N4BP2: variants seen among roughly 807,000 people sequenced by gnomAD.
The protein encoded by N4BP2 is NEDD4 binding protein 2, also known as NEDD4-binding protein 2.
A neutral mutation model predicts 152.8 loss-of-function variants in N4BP2; 91 were observed. That is an observed-to-expected ratio of 0.60 (90% CI 0.50 to 0.71). N4BP2 has a LOEUF of 0.71. N4BP2 is among the 30% of genes least tolerant of loss of function. The probability of loss-of-function intolerance (pLI) is 0.00; values close to 1 mark genes in which losing one functional copy is unlikely to be tolerated. For synonymous variants in N4BP2, 646 were observed against 705.3 expected, an observed-to-expected ratio of 0.92 and a Z score of 1.33; for missense variants, 1,923 against 2,059.1, an observed-to-expected ratio of 0.93 and a Z score of 1.28.
chr4:40,124,419 T>C (rs1421428603), intron 11 of N4BP2, among the ~76,000 whole-genome samples: 1 of 152,184 alleles, frequency 6.6e-6, no homozygotes, highest in East Asian at 1.9e-4. Flanking sequence ...CCATTTTGCC[T>C]TACTGCAACC....
chr4:40,089,901 G>C (rs1015921815), intron 2 of N4BP2, among the ~76,000 whole-genome samples: 6 of 152,078 alleles, frequency 3.9e-5, no homozygotes, highest in African/African-American at 1.4e-4. Context: ...GTGGTCCATT[G>C]CGAGTTAATA....
In N4BP2 at chr4:40,120,295, C is replaced by G. The variant is rs745765232; in HGVS notation, c.2184C>G (p.Cys728Trp). ...SSMERVSPST[C>W]CSENNQEDCD... ...TGGAGAGAGTATCACCTAGTACTTG[C>G]TGTAGTGAAAATAATCAAGAAGACT... is the stretch of plus-strand genomic sequence containing the variant. The change falls in exon 9 of 18, where the codon TGC becomes TGG. Residue 728 changes from cysteine to tryptophan, a missense_variant. Coordinates refer to ENST00000261435, the MANE Select transcript of N4BP2 (RefSeq NM_018177.6). 6.2e-6 allele frequency: 10 copies of G among 1,612,664 alleles called. No homozygotes were observed. Among genetic ancestry groups the G allele is most frequent in the Non-Finnish European group, 8.5e-6 (10 of 1,179,652 alleles).
intron 1 of N4BP2, among the ~76,000 whole-genome samples, chr4:40,063,737 G>A (rs1489058050): frequency 5.9e-5 from 9 of 151,514 alleles, no homozygotes; most frequent in African/African-American, 1.5e-4. Context: ...TCCACCTCCC[G>A]TGTTCAAGCG....
At chr4:40,159,024 G>A (rs921298042), downstream of N4BP2, among the ~76,000 whole-genome samples, 4 of 152,126 alleles carry the variant, frequency 2.6e-5, no homozygotes, top group African/African-American at 4.8e-5. Flanking sequence ...TCTCGTATAT[G>A]TTATATTTTA....
chr4:40,166,345 A>T, the N4BP2 span, among the ~76,000 whole-genome samples: 1 of 152,102 alleles, frequency 6.6e-6, no homozygotes, highest in African/African-American at 2.4e-5. Flanking sequence ...CATTGTCTGA[A>T]CTGTTTTTGT....
At chr4:40,060,401 C>T (rs916708637) in intron 1 of N4BP2, among the ~76,000 whole-genome samples, 6 of 151,994 alleles carry the variant, frequency 3.9e-5, no homozygotes, top group Non-Finnish European at 8.8e-5. Context: ...CACACGATCA[C>T]GCCCGGCTAA....
At chr4:40,134,733 G>A (rs1213860259) in intron 13 of N4BP2, among the ~76,000 whole-genome samples, 1 of 152,052 alleles carries the variant, frequency 6.6e-6, no homozygotes, top group Non-Finnish European at 1.5e-5. Flanking sequence ...GAGGGGAAGT[G>A]GAACTGGTAG....
At chr4:40,068,789 A>G (rs1282709973) in intron 1 of N4BP2, among the ~76,000 whole-genome samples, 1 of 152,088 alleles carries the variant, frequency 6.6e-6, no homozygotes, top group African/African-American at 2.4e-5. Flanking sequence ...AGTTTGTTTT[A>G]ACTATTTGGG....
At chr4:40,182,013 G>A in the N4BP2 span, among the ~76,000 whole-genome samples, 1 of 152,170 alleles carries the variant, frequency 6.6e-6, no homozygotes, top group Non-Finnish European at 1.5e-5. Context: ...GGGATTGCCT[G>A]GAGGTTGCTT....
chr4:40,154,465 C>A lies in N4BP2; in HGVS notation c.*228C>A. 1 of 409,812 alleles carries A rather than the reference C, an allele frequency of 2.4e-6. No individual in the cohort carries two copies. 25.4% of individuals were successfully genotyped at this position (409,812 alleles called of 1,614,324 possible). On this transcript the variant is annotated 3_prime_UTR_variant, in exon 18 of 18. Coordinates refer to ENST00000261435, the MANE Select transcript of N4BP2 (RefSeq NM_018177.6). ...TATTACAGAGAAATTTTATTGATTA[C>A]AAAATATGTAAGAAAATTATCAGCT...
In N4BP2 at chr4:40,156,653, T is replaced by C. The variant is rs1180971703; in HGVS notation, c.*2416T>C. ...TTTTAAAAGTTTTCTCTATTACCCA[T>C]TTCTAAATCCTGTATGTCAAAGATA... On this transcript the variant is annotated 3_prime_UTR_variant, in exon 18 of 18. Transcript: ENST00000261435. The C allele has an allele frequency of 6.6e-6, 1 of 152,140 alleles. No individual in the cohort carries two copies. Among genetic ancestry groups the C allele is most frequent in the Admixed American group, 6.5e-5 (1 of 15,278 alleles). The allele number at this position is 152,140 out of a possible 1,614,324, so 9.4% of individuals were successfully genotyped here.
intron 2 of N4BP2, among the ~76,000 whole-genome samples, chr4:40,092,826 T>G (rs1714740323): frequency 6.6e-6 from 1 of 151,994 alleles, no homozygotes. Flanking sequence ...GTATTTTTAG[T>G]AGAGACGGGG....
chr4:40,144,352 CAT>C (rs1014431604), intron 15 of N4BP2, among the ~76,000 whole-genome samples: 6 of 152,192 alleles, frequency 3.9e-5, no homozygotes, highest in Admixed American at 3.3e-4. Context: ...TTAACTGTCA[CAT>C]GTGAGGATCG....
intron 5 of N4BP2, among the ~76,000 whole-genome samples, chr4:40,108,840 C>T (rs1043569105): frequency 6.8e-6 from 1 of 147,176 alleles, no homozygotes; most frequent in Admixed American, 6.8e-5. Flanking sequence ...TTTTTGGAGA[C>T]AGAGTCCTGC....
Position 40,119,966 on chromosome 4 carries a change from G to T in N4BP2, c.1855G>T (p.Glu619Ter). 1 of 1,497,500 alleles carries T rather than the reference G, an allele frequency of 6.7e-7. No individual in the cohort carries two copies. Among genetic ancestry groups the T allele is most frequent in the Non-Finnish European group, 9.1e-7 (1 of 1,100,906 alleles). 92.8% of individuals were successfully genotyped at this position (1,497,500 alleles called of 1,614,324 possible). ...CGATGAAGATATTATCTCTGAAAAA[G>T]AAGAAAATATTTTATCTTTATCTTT... is the stretch of plus-strand genomic sequence containing the variant. ...RDDEDIISEK[E>*]ENILSLSLKH... Residue 619 changes from glutamate (E) to a stop codon, truncating the protein, a stop_gained, in exon 9 of 18, where the codon GAA becomes TAA. Coordinates refer to ENST00000261435, the MANE Select transcript of N4BP2 (RefSeq NM_018177.6). LOFTEE classifies it high-confidence loss of function.
intron 7 of N4BP2, among the ~76,000 whole-genome samples, chr4:40,114,667 C>T (rs1275635373): frequency 6.6e-6 from 1 of 151,800 alleles, no homozygotes; most frequent in Non-Finnish European, 1.5e-5. Context: ...TTTTTTATTC[C>T]TTGACTTGTC....
At chr4:40,074,227 A>T (rs1432104859) in intron 2 of N4BP2, among the ~76,000 whole-genome samples, 1 of 79,098 alleles carries the variant, frequency 1.3e-5, no homozygotes, top group Non-Finnish European at 3.3e-5. Context: ...AGTAGCTGGG[A>T]TTACAGATGT....
chr4:40,185,123 C>T, the N4BP2 span, among the ~76,000 whole-genome samples: 25 of 151,894 alleles, frequency 1.6e-4, no homozygotes, highest in African/African-American at 5.8e-4. Context: ...CGACGTGTGC[C>T]TCTTGTTGTC....
the N4BP2 span, among the ~76,000 whole-genome samples, chr4:40,168,871 C>T: frequency 6.6e-6 from 1 of 151,692 alleles, no homozygotes; most frequent in African/African-American, 2.4e-5. Flanking sequence ...ATTACAAGTG[C>T]GCGCCACCAC....
Sources: allele counts gnomAD v4.1 joint callset (sites outside exome capture counted in the v4.1 genomes callset), GRCh38; gene constraint gnomAD v4.1.1; transcripts MANE v1.5; gene names NCBI Gene and HGNC (gene_info 2026-07-23, HGNC 2026-07-21).